The following PCDH15 variants were observed in gnomAD, a reference collection of about 807,000 sequenced individuals.
PCDH15 encodes the protein protocadherin-15.
A neutral mutation model predicts 178.5 loss-of-function variants in PCDH15; 129 were observed. The observed-to-expected ratio is 0.72, with a 90% confidence interval of 0.63 to 0.84. PCDH15 has a LOEUF of 0.84. PCDH15 is among the 40% of genes least tolerant of loss of function. The probability of loss-of-function intolerance (pLI) is 0.00; values close to 1 mark genes in which losing one functional copy is unlikely to be tolerated. For missense variants in PCDH15, 2,230 were observed against 2,099.9 expected (o/e 1.06, Z -1.21); for synonymous variants, 800 against 732.0 (o/e 1.09, Z -1.50).
intron 2 of PCDH15, among the ~76,000 whole-genome samples, chr10:55,162,046 G>C (rs576377441): frequency 1.3e-5 from 2 of 152,246 alleles, no homozygotes; most frequent in Middle Eastern, 3.4e-3. Flanking sequence ...AATTATCTGA[G>C]TGATGTGGAT....
chr10:55,464,087 A>G (rs1451871468), intron 2 of PCDH15, among the ~76,000 whole-genome samples: 1 of 149,384 alleles, frequency 6.7e-6, no homozygotes, highest in Non-Finnish European at 1.5e-5. Context: ...GAAAGAAGAA[A>G]AGAAAAGGAG....
intron 3 of PCDH15, among the ~76,000 whole-genome samples, chr10:54,436,169 G>T (rs1015709308): frequency 6.7e-6 from 1 of 150,206 alleles, no homozygotes; most frequent in Non-Finnish European, 1.5e-5. Flanking sequence ...AAGGAAGGAA[G>T]GAAGAAGGAA....
intron 2 of PCDH15, among the ~76,000 whole-genome samples, chr10:54,941,262 C>A (rs998583641): frequency 2.6e-5 from 4 of 152,030 alleles, no homozygotes; most frequent in Non-Finnish European, 5.9e-5. Context: ...CAGTGAGATA[C>A]AGAAACATTA....
chr10:54,267,033 C>A (rs2057737518), intron 8 of PCDH15, among the ~76,000 whole-genome samples: 1 of 151,684 alleles, frequency 6.6e-6, no homozygotes, highest in Non-Finnish European at 1.5e-5. Context: ...AAATCCTCAA[C>A]AAAGTACTTG....
At chr10:53,992,377 T>A (rs2091576671) in intron 21 of PCDH15, among the ~76,000 whole-genome samples, 1 of 152,166 alleles carries the variant, frequency 6.6e-6, no homozygotes, top group Non-Finnish European at 1.5e-5. Context: ...AACCCACCAG[T>A]TTCGGAGACA....
chr10:54,334,985 A>C (rs1223866026), intron 6 of PCDH15, among the ~76,000 whole-genome samples: 1 of 152,164 alleles, frequency 6.6e-6, no homozygotes, highest in Non-Finnish European at 1.5e-5. Flanking sequence ...AAGCAGCATC[A>C]ACTTTGCCCT....
chr10:55,072,584 T>G (rs1007222444), intron 2 of PCDH15, among the ~76,000 whole-genome samples: 9 of 151,920 alleles, frequency 5.9e-5, no homozygotes, highest in African/African-American at 7.3e-5. Context: ...AATAACAGGC[T>G]CTGAAATTGT....
chr10:55,106,190 C>T (rs893497876), intron 2 of PCDH15, among the ~76,000 whole-genome samples: 4 of 152,090 alleles, frequency 2.6e-5, no homozygotes, highest in African/African-American at 7.2e-5. Flanking sequence ...GCTGGTTAAA[C>T]TCTTTGTAAC....
At chr10:53,928,063 A>C (rs1407323567) in intron 25 of PCDH15, among the ~76,000 whole-genome samples, 2 of 152,102 alleles carry the variant, frequency 1.3e-5, no homozygotes, top group Non-Finnish European at 2.9e-5. Flanking sequence ...AAAAGAATGC[A>C]ATGAATATAG....
intron 2 of PCDH15, among the ~76,000 whole-genome samples, chr10:55,424,288 G>T (rs1160678006): frequency 1.3e-5 from 2 of 152,136 alleles, no homozygotes; most frequent in Non-Finnish European, 2.9e-5. Context: ...AGGCATTGTA[G>T]TGTGTGCCCT....
At chr10:55,369,602 A>G (rs1845451026) in intron 2 of PCDH15, among the ~76,000 whole-genome samples, 1 of 152,080 alleles carries the variant, frequency 6.6e-6, no homozygotes, top group Admixed American at 6.6e-5. Flanking sequence ...ATGCAACAGA[A>G]TATCCTATAA....
chr10:54,224,829 A>T (rs1221831320), intron 9 of PCDH15, among the ~76,000 whole-genome samples: 1 of 152,098 alleles, frequency 6.6e-6, no homozygotes, highest in Non-Finnish European at 1.5e-5. Flanking sequence ...TCTAAATGCA[A>T]AAAGTAAACT....
At chr10:54,214,473 A>C (rs1478596032) in intron 9 of PCDH15, among the ~76,000 whole-genome samples, 1 of 152,212 alleles carries the variant, frequency 6.6e-6, no homozygotes, top group African/African-American at 2.4e-5. Context: ...TTGGAAATTA[A>C]TGTGAACATA....
intron 28 of PCDH15, among the ~76,000 whole-genome samples, chr10:53,855,050 T>C (rs906984856): frequency 9.2e-5 from 14 of 152,028 alleles, no homozygotes; most frequent in African/African-American, 3.1e-4. Flanking sequence ...ATAAATTTTG[T>C]CTCAAAATAA....
chr10:54,651,575 A>T (rs915488024), intron 2 of PCDH15, among the ~76,000 whole-genome samples: 2 of 152,194 alleles, frequency 1.3e-5, no homozygotes, highest in African/African-American at 4.8e-5. Flanking sequence ...CATGGTGCAC[A>T]TCTATCATGG....
intron 1 of PCDH15, among the ~76,000 whole-genome samples, chr10:54,717,534 A>G (rs1457214826): frequency 6.9e-6 from 1 of 145,336 alleles, no homozygotes; most frequent in Non-Finnish European, 1.5e-5. Flanking sequence ...TGGCCATCAG[A>G]GAAATGCAAA....
rs1947951410 is a variant in PCDH15, at chr10:54,373,296, A to G, written c.319-4021T>C. Reference sequence around the variant, plus strand: ...TCAGGAGTGAATTTTTTTTGTCATGATATTTCTGTCTATGGACTTACCACC... The same window carrying G: ...TCAGGAGTGAATTTTTTTTGTCATGGTATTTCTGTCTATGGACTTACCACC... On this transcript the variant is annotated intron_variant, in intron 4 of 37. Transcript: ENST00000644397. 2.6e-5 allele frequency among the ~76,000 whole-genome samples: 4 copies of G among 151,682 alleles called. No homozygotes were observed. The Admixed American group carries it at 2.6e-4, about 10-fold the overall frequency.
chr10:53,821,141 A>T (rs1588919808), intron 32 of PCDH15: 1 of 978,228 alleles, frequency 1.0e-6, no homozygotes, highest in Admixed American at 6.2e-5. Flanking sequence ...AAGGGAAGGG[A>T]AAGCACAATG....
intron 3 of PCDH15, among the ~76,000 whole-genome samples, chr10:54,526,473 A>C (rs1269071955): frequency 6.6e-6 from 1 of 152,220 alleles, no homozygotes; most frequent in African/African-American, 2.4e-5. Flanking sequence ...ATAGTTAGCC[A>C]TAAGGAAGCC....
Sources: allele counts gnomAD v4.1 joint callset (sites outside exome capture counted in the v4.1 genomes callset), GRCh38; gene constraint gnomAD v4.1.1; transcripts MANE v1.5; gene names NCBI Gene and HGNC (gene_info 2026-07-23, HGNC 2026-07-21).